The following SH3PXD2A variants were observed in gnomAD, a reference collection of about 807,000 sequenced individuals.
SH3PXD2A encodes the protein SH3 and PX domains 2A.
In SH3PXD2A, 32 loss-of-function variants were observed where a neutral mutation model predicts 115.2. The ratio of observed to expected loss-of-function variants is 0.28; its 90% CI spans 0.21 to 0.37. The LOEUF (loss-of-function observed/expected upper bound fraction) is 0.37. Ranked by LOEUF, SH3PXD2A falls within the 10% of genes least tolerant of loss-of-function variation. The probability of loss-of-function intolerance (pLI) is 1.00; values close to 1 mark genes in which losing one functional copy is unlikely to be tolerated. For missense variants in SH3PXD2A, 1,328 were observed against 1,498.7 expected (o/e 0.89, Z 1.88); for synonymous variants, 610 against 629.1 (o/e 0.97, Z 0.45).
intron 2 of SH3PXD2A, among the ~76,000 whole-genome samples, chr10:103,789,864 G>C (rs1348184013): frequency 6.6e-6 from 1 of 152,194 alleles, no homozygotes; most frequent in East Asian, 1.9e-4. Context: ...CAGTCATGAA[G>C]GTGGTGTGAG....
intron 1 of SH3PXD2A, among the ~76,000 whole-genome samples, chr10:103,841,585 G>C (rs2039598556): frequency 1.3e-5 from 2 of 152,150 alleles, no homozygotes; most frequent in African/African-American, 4.8e-5. Context: ...AGAGCATGCT[G>C]TGCAGGGTGG....
intron 1 of SH3PXD2A, among the ~76,000 whole-genome samples, chr10:103,833,541 T>C (rs2134306830): frequency 6.6e-6 from 1 of 152,276 alleles, no homozygotes; most frequent in East Asian, 1.9e-4. Flanking sequence ...GGCGAAAAAG[T>C]TAGAGACAGT....
rs886079097 is a variant in SH3PXD2A, at chr10:103,627,454, G to T, written c.605-252C>A. ...TGAGCCACACTAACAAATGTCTGAT[G>T]GAAAATGAAATAGACATAGTGATAT... On this transcript the variant is annotated intron_variant, in intron 8 of 14. Coordinates refer to ENST00000369774, the MANE Select transcript of SH3PXD2A (RefSeq NM_001394015.1). The surrounding 1 kb of genome is among the most constrained non-coding windows in gnomAD (Gnocchi z 4.4). Among the ~76,000 whole-genome samples the T allele has an allele frequency of 3.9e-5, 6 of 152,204 alleles. No individual in the cohort carries two copies. The highest frequency in any genetic ancestry group is 7.3e-5 in the Non-Finnish European group (5 of 68,040).
At position 103,753,317 on chromosome 10, in the gene SH3PXD2A, CAA is replaced by C. The variant is rs60364879; in HGVS notation, c.229+13775_229+13776del. ...CAACATGGTGAAACCCTGCCTCTAC[CAA>C]AAAAAAAAAAAAAAAAAAAAAAAAA... is the stretch of plus-strand genomic sequence containing the variant. On this transcript the variant is annotated intron_variant, in intron 3 of 14. Transcript: ENST00000369774. Among the ~76,000 whole-genome samples the C allele has an allele frequency of 1.5e-3, 94 of 62,850 alleles. 1 individual carries two copies. The highest frequency in any genetic ancestry group is 5.6e-3 in the African/African-American group (89 of 15,960). The allele number at this position is 62,850 out of a possible 152,430, so 41.2% of individuals were successfully genotyped here. A position where few individuals can be genotyped will look rare whatever the true frequency, so the allele number is the denominator to read the frequency against.
intron 3 of SH3PXD2A, chr10:103,755,321 A>G (rs1359722365): frequency 6.6e-6 from 1 of 152,252 alleles, no homozygotes; most frequent in Non-Finnish European, 1.5e-5. Context: ...TGATGCTCTC[A>G]ATAACCCTGA....
chr10:103,628,208 C>T (rs2036726887), intron 8 of SH3PXD2A, among the ~76,000 whole-genome samples: 1 of 152,212 alleles, frequency 6.6e-6, no homozygotes, highest in South Asian at 2.1e-4. Flanking sequence ...CCGCCAGGTA[C>T]CACTGCACAG....
In SH3PXD2A at chr10:103,603,321, G is replaced by C. The variant is rs1040319628; in HGVS notation, c.1897C>G (p.Leu633Val). 6.8e-6 allele frequency: 11 copies of C among 1,614,184 alleles called. No individual in the cohort carries two copies. The highest frequency in any genetic ancestry group is 7.6e-6 in the Non-Finnish European group (9 of 1,180,032). The change falls in exon 15 of 15, where the codon CTG becomes GTG. Residue 633 changes from leucine to valine, a missense_variant. By Grantham distance (32) the Leu-to-Val change is conservative. Around this residue, in one of 5 missense-constraint regions of SH3PXD2A, gnomAD observed 509 missense variants for 628.3 expected, o/e 0.81. Transcript: ENST00000369774. Reference sequence around the variant, plus strand: ...TCCCCGGAGGAGCCTCTGGCTGACAGGGTGTCCTCTGCATATGGCCGGAAG... The same window carrying C: ...TCCCCGGAGGAGCCTCTGGCTGACACGGTGTCCTCTGCATATGGCCGGAAG... Reference protein sequence around the residue: ...EGFRPYAEDTLSARGSSGDSD... With the variant: ...EGFRPYAEDTVSARGSSGDSD...
chr10:103,643,246 CAA>C (rs2036981430), intron 8 of SH3PXD2A, among the ~76,000 whole-genome samples: 1 of 152,228 alleles, frequency 6.6e-6, no homozygotes, highest in African/African-American at 2.4e-5. Context: ...CCCTAGGAGA[CAA>C]GAGGCAGAGG....
intron 5 of SH3PXD2A, among the ~76,000 whole-genome samples, chr10:103,701,547 A>C (rs1225838169): frequency 7.3e-6 from 1 of 136,406 alleles, no homozygotes; most frequent in Non-Finnish European, 1.6e-5. Flanking sequence ...CCATCCATCC[A>C]CTACCCATCC....
At chr10:103,830,779 C>T (rs1228708383) in intron 1 of SH3PXD2A, among the ~76,000 whole-genome samples, 3 of 152,174 alleles carry the variant, frequency 2.0e-5, no homozygotes, top group African/African-American at 7.2e-5. Flanking sequence ...CAACCACACA[C>T]ACCAACAGCA....
chr10:103,841,758 C>CT (rs2039600941), intron 1 of SH3PXD2A, among the ~76,000 whole-genome samples: 3 of 152,174 alleles, frequency 2.0e-5, no homozygotes, highest in Admixed American at 6.5e-5. Context: ...ACAGGGCTCA[C>CT]TTCCTCACCT....
chr10:103,810,952 G>GCGCGCACACACACACACACA (rs549107444), intron 1 of SH3PXD2A, among the ~76,000 whole-genome samples: 1 of 19,872 alleles, frequency 5.0e-5, no homozygotes, highest in African/African-American at 1.0e-4. Flanking sequence ...GCGCGCGCGC[G>GCGCGCACACACACACACACA]CACACACACA....
chr10:103,736,802 G>A (rs1330197644), intron 3 of SH3PXD2A: 3 of 1,288,850 alleles, frequency 2.3e-6, no homozygotes, highest in Non-Finnish European at 3.0e-6. Context: ...ACGGGCATCT[G>A]TTGCCTCAGT....
At chr10:103,854,512 C>T (rs983580708) in intron 1 of SH3PXD2A, among the ~76,000 whole-genome samples, 10 of 151,988 alleles carry the variant, frequency 6.6e-5, no homozygotes, top group Admixed American at 6.5e-4. Flanking sequence ...CCTCGGAGAC[C>T]ACAGCAAACA....
chr10:103,844,055 T>C (rs1288424715), intron 1 of SH3PXD2A, among the ~76,000 whole-genome samples: 1 of 152,252 alleles, frequency 6.6e-6, no homozygotes, highest in South Asian at 2.1e-4. Context: ...CAATGAGTGA[T>C]GACTAAAGTC....
intron 5 of SH3PXD2A, among the ~76,000 whole-genome samples, chr10:103,700,124 T>A (rs2037874864): frequency 6.6e-6 from 1 of 152,218 alleles, no homozygotes; most frequent in Non-Finnish European, 1.5e-5. Context: ...GCAAAGGCCC[T>A]AAGTGTGTCT....
At chr10:103,775,733 C>A (rs2038871048) in intron 2 of SH3PXD2A, among the ~76,000 whole-genome samples, 1 of 152,200 alleles carries the variant, frequency 6.6e-6, no homozygotes, top group Admixed American at 6.5e-5. Context: ...GATGACCACA[C>A]AGCTGGCACC....
chr10:103,727,261 A>G (rs898450345), intron 4 of SH3PXD2A, among the ~76,000 whole-genome samples: 1 of 152,194 alleles, frequency 6.6e-6, no homozygotes, highest in Non-Finnish European at 1.5e-5. Context: ...AGATGGGTGG[A>G]GCATGCCTCC....
intron 1 of SH3PXD2A, among the ~76,000 whole-genome samples, chr10:103,825,310 T>G (rs997161152): frequency 2.6e-5 from 4 of 152,146 alleles, no homozygotes; most frequent in Admixed American, 2.6e-4. Flanking sequence ...TTACATTTTC[T>G]TTTCCTAGGA....
Sources: allele counts gnomAD v4.1 joint callset (sites outside exome capture counted in the v4.1 genomes callset), GRCh38; gene constraint gnomAD v4.1.1; regional missense constraint gnomAD v4.1.1; non-coding constraint Gnocchi (gnomAD v3.1); transcripts MANE v1.5; gene names NCBI Gene and HGNC (gene_info 2026-07-23, HGNC 2026-07-21).